TMEM164: variants seen among roughly 807,000 people sequenced by gnomAD.
TMEM164 encodes transmembrane protein 164.
In TMEM164, 4 loss-of-function variants were observed where a neutral mutation model predicts 18.8. The ratio of observed to expected loss-of-function variants is 0.21; its 90% CI spans 0.10 to 0.49. The LOEUF is 0.49. Ranked by LOEUF, TMEM164 falls within the 20% of genes least tolerant of loss-of-function variation. TMEM164 has a pLI of 0.98. For synonymous variants in TMEM164, 86 were observed against 101.7 expected, an observed-to-expected ratio of 0.85 and a Z score of 0.93; for missense variants, 108 against 239.9, an observed-to-expected ratio of 0.45 and a Z score of 3.63.
chrX:110,036,020 A>G (rs1934782256), intron 2 of TMEM164, among the ~76,000 whole-genome samples: 1 of 111,126 alleles, frequency 9.0e-6, no homozygotes, highest in Non-Finnish European at 1.9e-5. Flanking sequence ...CCAACATCAG[A>G]TATTGTCACT....
intron 3 of TMEM164, among the ~76,000 whole-genome samples, chrX:110,085,338 T>A (rs56402907): frequency 0.14 from 5,326 of 39,230 alleles, 109 homozygotes; most frequent in African/African-American, 0.3. Context: ...TTAAAAAAAA[T>A]ATATATATAT....
chrX:110,123,496 A>G lies in TMEM164; in HGVS notation c.507+14350A>G, dbSNP rs894805023. 5.3e-5 allele frequency among the ~76,000 whole-genome samples: 6 copies of G among 112,325 alleles called. No individual in the cohort carries two copies. The Admixed American group carries it at 5.7e-4, about 11-fold the overall frequency. ...TTGACTAGCCTGAGGCCACATAGCC[A>G]GTGATTGGCAGATCTTGGTTCAGCA... On this transcript the variant is annotated intron_variant, in intron 4 of 6. Coordinates refer to ENST00000372068, the MANE Select transcript of TMEM164 (RefSeq NM_032227.4).
chrX:110,154,306 A>T (rs188203558), intron 5 of TMEM164, among the ~76,000 whole-genome samples: 2 of 112,423 alleles, frequency 1.8e-5, no homozygotes, highest in African/African-American at 6.5e-5. Context: ...AATCCTATAT[A>T]TTCTATTTCG....
At chrX:110,120,305 C>T (rs775565977) in intron 4 of TMEM164, among the ~76,000 whole-genome samples, 54 of 111,792 alleles carry the variant, frequency 4.8e-4, no homozygotes, top group Middle Eastern at 4.6e-3. Flanking sequence ...TCTGTCTCCA[C>T]CTTGAGCCAC....
chrX:110,019,074 AGC>A (rs1933649656), intron 2 of TMEM164, among the ~76,000 whole-genome samples: 1 of 111,540 alleles, frequency 9.0e-6, no homozygotes, highest in Non-Finnish European at 1.9e-5. Flanking sequence ...GGGGCCATCA[AGC>A]AATGTAGATC....
At chrX:110,041,699 A>T (rs1376787149) in intron 2 of TMEM164, among the ~76,000 whole-genome samples, 4 of 112,096 alleles carry the variant, frequency 3.6e-5, no homozygotes, top group African/African-American at 1.3e-4. Flanking sequence ...CGAACAAACG[A>T]TCAGAAGTAC....
intron 2 of TMEM164, among the ~76,000 whole-genome samples, chrX:110,043,403 G>A (rs1935179921): frequency 8.9e-6 from 1 of 112,389 alleles, no homozygotes; most frequent in Admixed American, 9.4e-5. Flanking sequence ...TAAGTTAGTA[G>A]TAGGCTGGGA....
chrX:110,012,734 G>C (rs73636929), intron 2 of TMEM164, among the ~76,000 whole-genome samples: 1 of 112,095 alleles, frequency 8.9e-6, no homozygotes, highest in East Asian at 2.8e-4. Context: ...AGTCCTCTGT[G>C]TTTACTCAGC....
intron 2 of TMEM164, among the ~76,000 whole-genome samples, chrX:110,032,351 G>T (rs776168098): frequency 5.0e-4 from 56 of 111,370 alleles, no homozygotes; most frequent in African/African-American, 1.8e-3. Context: ...GTGTGGCTTT[G>T]TGTGTTTGTC....
At chrX:110,037,612 C>T (rs923668485) in intron 2 of TMEM164, among the ~76,000 whole-genome samples, 12 of 111,856 alleles carry the variant, frequency 1.1e-4, no homozygotes, top group Non-Finnish European at 1.9e-4. Flanking sequence ...CCAGTCACCT[C>T]TGCTTAGCCA....
intron 2 of TMEM164, among the ~76,000 whole-genome samples, chrX:110,031,949 G>A (rs975081328): frequency 2.8e-5 from 3 of 108,933 alleles, no homozygotes; most frequent in Non-Finnish European, 3.8e-5. Context: ...TAAAGACCTC[G>A]GCTAATGTGA....
At chrX:110,043,084 T>G (rs1251571433) in intron 2 of TMEM164, among the ~76,000 whole-genome samples, 3 of 112,327 alleles carry the variant, frequency 2.7e-5, no homozygotes, top group African/African-American at 9.7e-5. Context: ...CTCACTAAGG[T>G]AGCAAAGGAG....
chrX:110,084,415 A>ATAGTATATATATAGTG, intron 3 of TMEM164, among the ~76,000 whole-genome samples: 1 of 93,945 alleles, frequency 1.1e-5, no homozygotes, highest in African/African-American at 3.9e-5. Context: ...TATATAGTGT[A>ATAGTATATATATAGTG]TATATATATA....
At chrX:110,151,023 CA>C (rs2066931307) in intron 5 of TMEM164, among the ~76,000 whole-genome samples, 1 of 112,272 alleles carries the variant, frequency 8.9e-6, no homozygotes, top group African/African-American at 3.2e-5. Flanking sequence ...ACTCAAATAG[CA>C]AGTGACAGTC....
At chrX:110,183,577 T>A (rs1344689462), downstream of TMEM164, among the ~76,000 whole-genome samples, 2 of 111,859 alleles carry the variant, frequency 1.8e-5, no homozygotes, top group Non-Finnish European at 3.8e-5. Context: ...ATTTGTTAGA[T>A]ACCACCACTA....
intron 3 of TMEM164, among the ~76,000 whole-genome samples, chrX:110,084,426 G>C (rs1217997895): frequency 2.3e-4 from 20 of 85,905 alleles, no homozygotes; most frequent in Admixed American, 1.5e-3. Context: ...TATATATATA[G>C]TATAGTATAT....
At chrX:110,004,610 T>TA (rs1932566042) in intron 2 of TMEM164, among the ~76,000 whole-genome samples, 1 of 112,428 alleles carries the variant, frequency 8.9e-6, no homozygotes, top group Non-Finnish European at 1.9e-5. Flanking sequence ...CTTTCTCATC[T>TA]ACACTGTGGT....
intron 2 of TMEM164, among the ~76,000 whole-genome samples, chrX:110,040,331 C>A (rs1014504450): frequency 2.7e-5 from 3 of 111,731 alleles, no homozygotes; most frequent in African/African-American, 9.8e-5. Flanking sequence ...TATAGGTTTG[C>A]TTCAAGCAGT....
chrX:110,107,292 G>A (rs1379027124), intron 3 of TMEM164, among the ~76,000 whole-genome samples: 3 of 111,801 alleles, frequency 2.7e-5, no homozygotes, highest in African/African-American at 6.5e-5. Context: ...CTTATGTGTG[G>A]TGTTGACCAG....
Sources: allele counts gnomAD v4.1 joint callset (sites outside exome capture counted in the v4.1 genomes callset), GRCh38; gene constraint gnomAD v4.1.1; transcripts MANE v1.5; gene names NCBI Gene and HGNC (gene_info 2026-07-23, HGNC 2026-07-21).